Variants in SLC5A11 observed in about 807,000 individuals in gnomAD.
SLC5A11 encodes sodium/myo-inositol cotransporter 2.
In SLC5A11, 48 loss-of-function variants were observed where a neutral mutation model predicts 69.8. The observed-to-expected ratio is 0.69, with a 90% CI of 0.55 to 0.87. SLC5A11 has a LOEUF of 0.87. Ranked by LOEUF, SLC5A11 falls within the 40% of genes least tolerant of loss-of-function variation. The probability of loss-of-function intolerance (pLI) is 0.00; values close to 1 mark genes in which losing one functional copy is unlikely to be tolerated. For missense variants in SLC5A11, 784 were observed against 866.1 expected (o/e 0.91, Z 1.19); for synonymous variants, 319 against 342.4 (o/e 0.93, Z 0.75).
At chr16:24,875,517 A>G in intron 5 of SLC5A11, 110 bp from the exon 7 acceptor site, 3 of 808,282 alleles carry the variant, frequency 3.7e-6, no homozygotes, top group Non-Finnish European at 6.2e-6. Context: ...CAAGAAGACC[A>G]TCTGTGCTCT....
At chr16:24,856,605 A>C (rs1250604091) in intron 1 of SLC5A11, among the ~76,000 whole-genome samples, 1 of 117,428 alleles carries the variant, frequency 8.5e-6, no homozygotes. Context: ...TACAAAAAAA[A>C]AAAAAAAAAA....
intron 8 of SLC5A11, among the ~76,000 whole-genome samples, chr16:24,889,044 G>C (rs921670047): frequency 3.4e-5 from 5 of 148,670 alleles, no homozygotes; most frequent in Admixed American, 3.4e-4. Context: ...TGATGCACCC[G>C]CGTTGGCCTC....
chr16:24,911,462 A>G, exon 16 of SLC5A11: 1 of 1,614,132 alleles, frequency 6.2e-7, no homozygotes, highest in East Asian at 2.2e-5. Context: ...CCCCTTGGTG[A>G]AGACCCTCCT....
chr16:24,902,939 A>G (rs2049752056), intron 10 of SLC5A11, among the ~76,000 whole-genome samples: 1 of 152,218 alleles, frequency 6.6e-6, no homozygotes, highest in Admixed American at 6.5e-5. Context: ...AACATAAACT[A>G]TATATTGAAA....
chr16:24,867,548 A>G (rs996679105), intron 3 of SLC5A11, among the ~76,000 whole-genome samples: 2 of 152,164 alleles, frequency 1.3e-5, no homozygotes, highest in African/African-American at 4.8e-5. Flanking sequence ...GTAGAATAGA[A>G]AACTGTTAGA....
chr16:24,850,787 G>T (rs2059267807), intron 1 of SLC5A11, among the ~76,000 whole-genome samples: 1 of 151,788 alleles, frequency 6.6e-6, no homozygotes, highest in Admixed American at 6.6e-5. Flanking sequence ...TGTGGCCAAG[G>T]TTTGCCTAAC....
Position 24,884,006 on chromosome 16 carries a change from T to C in SLC5A11, c.584-45T>C, listed in dbSNP as rs367753209. On this transcript the variant is annotated intron_variant, in intron 7 of 15. Transcript: ENST00000347898. ...CCCTTGGTGACCCAGAGTAACCCCT[T>C]CTCGTTAGACTCCCTGACCCTCACC... 6 of 1,587,008 alleles carry C rather than the reference T, an allele frequency of 3.8e-6. No individual in the cohort carries two copies. In the African/African-American group the frequency reaches 8.1e-5, roughly 21 times the overall value.
exon 10 of SLC5A11, chr16:24,897,986 C>A (rs371082919): frequency 2.5e-6 from 4 of 1,614,008 alleles, no homozygotes; most frequent in Non-Finnish European, 2.5e-6. Flanking sequence ...GATTGTCCAG[C>A]GGACTCTGGC....
chr16:24,866,242 A>G (rs143652578), intron 3 of SLC5A11, among the ~76,000 whole-genome samples: 10 of 151,708 alleles, frequency 6.6e-5, no homozygotes, highest in Non-Finnish European at 1.3e-4. Flanking sequence ...AAAGGCAGAG[A>G]ATGGATTTTT....
At position 24,907,943 on chromosome 16, in the gene SLC5A11, C is replaced by A. The variant is rs373371692; in HGVS notation, c.1266-20C>A. On this transcript the variant is annotated intron_variant, in intron 12 of 15. Coordinates refer to ENST00000347898, the Ensembl canonical transcript of SLC5A11. ...AATGTTCAGATGATGCTAATTTGTG[C>A]CTCTCGCCGCCGGCACCAGGGTGTT... 11 of 1,612,744 alleles carry A rather than the reference C, an allele frequency of 6.8e-6. No individual in the cohort carries two copies. The highest frequency in any genetic ancestry group is 9.3e-6 in the Non-Finnish European group (11 of 1,179,398).
intron 3 of SLC5A11, among the ~76,000 whole-genome samples, chr16:24,869,056 C>T (rs201530840): frequency 3.3e-5 from 5 of 152,034 alleles, no homozygotes; most frequent in East Asian, 3.9e-4. Context: ...TTAGTGGAGA[C>T]GGGGTTTCAC....
At chr16:24,876,127 C>T (rs2047655844) in intron 6 of SLC5A11, among the ~76,000 whole-genome samples, 3 of 148,426 alleles carry the variant, frequency 2.0e-5, no homozygotes, top group African/African-American at 7.4e-5. Flanking sequence ...GCCCAGAAGG[C>T]GGGGGTTGCA....
chr16:24,871,296 G>A (rs1054286421), intron 4 of SLC5A11, among the ~76,000 whole-genome samples: 3 of 151,886 alleles, frequency 2.0e-5, no homozygotes, highest in Admixed American at 6.6e-5. Context: ...TTTGAGACAG[G>A]GTCTCGCTCT....
intron 10 of SLC5A11, 67 bp downstream of exon 11, chr16:24,898,176 C>A: frequency 6.5e-7 from 1 of 1,548,232 alleles, no homozygotes; most frequent in South Asian, 1.2e-5. Flanking sequence ...TTATTCTAAA[C>A]ATATTATTAG....
exon 16 of SLC5A11, chr16:24,911,432 A>G: frequency 1.2e-6 from 2 of 1,614,154 alleles, no homozygotes; most frequent in South Asian, 2.2e-5. Context: ...AGAAGCCATC[A>G]TAGTTTCCCT....
At chr16:24,862,454 A>G (rs904450726) in intron 2 of SLC5A11, 147 bp from the exon 4 acceptor site, 2 of 552,766 alleles carry the variant, frequency 3.6e-6, no homozygotes, top group Non-Finnish European at 6.4e-6. Context: ...AATTTTATCC[A>G]AAACTCTGGG....
At chr16:24,879,962 C>T (rs536325759) in intron 7 of SLC5A11, among the ~76,000 whole-genome samples, 62 of 152,122 alleles carry the variant, frequency 4.1e-4, no homozygotes, top group African/African-American at 1.4e-3. Context: ...TGCTATTGTG[C>T]GTAGTATTGT....
intron 3 of SLC5A11, among the ~76,000 whole-genome samples, chr16:24,863,699 A>G (rs2046742501): frequency 6.6e-6 from 1 of 152,210 alleles, no homozygotes; most frequent in Non-Finnish European, 1.5e-5. Flanking sequence ...TCTGGGGATT[A>G]ACCACATGCT....
intron 4 of SLC5A11, among the ~76,000 whole-genome samples, chr16:24,870,239 A>C (rs1319001331): frequency 6.6e-6 from 1 of 151,700 alleles, no homozygotes; most frequent in African/African-American, 2.4e-5. Context: ...CTAAAAATAC[A>C]AAAAATTAGC....
Sources: gnomAD v4.1 joint callset for allele counts (sites outside exome capture counted in the v4.1 genomes callset) on GRCh38, gnomAD v4.1.1 for gene constraint, MANE v1.5 for transcripts, NCBI Gene and HGNC (gene_info 2026-07-23, HGNC 2026-07-21) for gene names.